The following MAN2C1 variants were observed in gnomAD, a reference collection of about 807,000 sequenced individuals.
MAN2C1 encodes the protein alpha-mannosidase 2C1.
In MAN2C1, 111 loss-of-function variants were observed where a neutral mutation model predicts 126.9. The ratio of observed to expected loss-of-function variants is 0.87; its 90% confidence interval spans 0.75 to 1.02. The LOEUF (loss-of-function observed/expected upper bound fraction) is 1.02. MAN2C1 is among the 50% of genes least tolerant of loss of function. The pLI, the probability that MAN2C1 is intolerant of heterozygous loss-of-function variation, is 0.00. For synonymous variants in MAN2C1, 567 were observed against 561.5 expected, an observed-to-expected ratio of 1.01 and a Z score of -0.14; for missense variants, 1,363 against 1,364.4, an observed-to-expected ratio of 1.00 and a Z score of 0.02.
Position 75,355,975 on chromosome 15 carries a change from G to A in MAN2C1, c.3054C>T (p.Arg1018=), listed in dbSNP as rs769539126. 3.7e-6 allele frequency: 6 copies of A among 1,614,140 alleles called. No individual in the cohort carries two copies. In the Admixed American group the frequency reaches 5.0e-5, roughly 13 times the overall value. Residue 1018 remains arginine, a synonymous_variant, in exon 26 of 26, where the codon CGC becomes CGT. Transcript: ENST00000267978. ...GGAAGGGAGAAAAGGTGAGCTTCAGGCGGTTGTCCCGAAGGGTCAAGTGGC... is the reference window on the plus strand; with the variant it reads ...GGAAGGGAGAAAAGGTGAGCTTCAGACGGTTGTCCCGAAGGGTCAAGTGGC... ...PAGHLTLRDN[R]LKLTFSPFQV...
In MAN2C1 at chr15:75,356,069, G is replaced by A; in HGVS notation, c.2997-37C>T. The A allele has an allele frequency of 1.2e-6, 2 of 1,613,552 alleles. No homozygotes were observed. Among genetic ancestry groups the A allele is most frequent in the Non-Finnish European group, 1.7e-6 (2 of 1,179,774 alleles). On this transcript the variant is annotated intron_variant, in intron 25 of 25. Transcript: ENST00000267978. The surrounding 1 kb of genome is among the most constrained non-coding windows in gnomAD (Gnocchi z 5.8). ...GAGGGGCCATGAAGGCTCTGCGAGG[G>A]CGAGACTCGACCCCCGCCCCAATCC...
intron 1 of MAN2C1, 73 bp from the exon 2 acceptor site, chr15:75,368,271 G>T: frequency 1.3e-6 from 2 of 1,528,696 alleles, no homozygotes; most frequent in Non-Finnish European, 1.7e-6. Flanking sequence ...TGGCCGGTGG[G>T]GCCGCACTTT....
At chr15:75,367,933 G>A in intron 2 of MAN2C1, 140 bp downstream of exon 2, 1 of 1,157,418 alleles carries the variant, frequency 8.6e-7, no homozygotes, top group South Asian at 1.6e-5. Flanking sequence ...CCCAGCAGAG[G>A]GTGCTGCTCC....
intron 4 of MAN2C1, 57 bp from the exon 5 acceptor site, chr15:75,364,722 T>C: frequency 6.8e-7 from 1 of 1,470,894 alleles, no homozygotes; most frequent in Non-Finnish European, 9.1e-7. Flanking sequence ...CTCCGGGGAC[T>C]TGGGGAAGGG....
intron 4 of MAN2C1, chr15:75,365,911 C>G (rs925667235): frequency 2.3e-6 from 1 of 438,372 alleles, no homozygotes; most frequent in Non-Finnish European, 4.5e-6. Context: ...ACGGTGAAAC[C>G]CTTTCTCTAC....
chr15:75,359,716 C>T lies in MAN2C1; in HGVS notation c.1852G>A (p.Glu618Lys). Reference sequence around the variant, plus strand: ...ATGAGGAGGCCCTCAGGACCTGGCTCCCCAGCACACAGGGCTGCGGCTGCA... The same window carrying T: ...ATGAGGAGGCCCTCAGGACCTGGCTTCCCAGCACACAGGGCTGCGGCTGCA... ...SAAAAALCAGEPGPEGLLIVN... is the reference protein window; with the variant it reads ...SAAAAALCAGKPGPEGLLIVN... Residue 618 changes from glutamate to lysine, a missense_variant, in exon 16 of 26, where the codon GAG (glutamate) becomes AAG (lysine). Physicochemically the swap from Glu to Lys is moderately conservative, Grantham distance 56. Coordinates refer to ENST00000267978, the MANE Select transcript of MAN2C1 (RefSeq NM_006715.4). 6.2e-7 allele frequency: 1 copy of T among 1,614,128 alleles called. No individual in the cohort carries two copies. Among genetic ancestry groups the T allele is most frequent in the Non-Finnish European group, 8.5e-7 (1 of 1,180,030 alleles).
In MAN2C1 at chr15:75,359,358, C is replaced by A; in HGVS notation, c.2016G>T (p.Leu672=). ...VPPPTSLQPL[L]PQQPVFVVQE... is the part of the protein sequence containing the mutation. ...GCACTACGAACACAGGCTGCTGGGGCAGCAGGGGCTGCAGTGAGGTGGGGG... is the reference window on the plus strand; with the variant it reads ...GCACTACGAACACAGGCTGCTGGGGAAGCAGGGGCTGCAGTGAGGTGGGGG... The change falls in exon 17 of 26, where the codon CTG becomes CTT. Residue 672 remains leucine, a synonymous_variant. Transcript: ENST00000267978. The A allele has an allele frequency of 6.2e-7, 1 of 1,601,588 alleles. No individual in the cohort carries two copies. The highest frequency in any genetic ancestry group is 1.1e-5 in the South Asian group (1 of 89,110).
At position 75,356,601 on chromosome 15, in the gene MAN2C1, C is replaced by G. The variant is rs374233316; in HGVS notation, c.2737+5G>C. ...CAGGAAGGCCCCACCGTCCCCAGCA[C>G]TCACCCTTGTGCGGCATCAGTGCAT... On this transcript the variant is annotated splice_donor_5th_base_variant and intron_variant, in intron 23 of 25. Coordinates refer to ENST00000267978, the MANE Select transcript of MAN2C1 (RefSeq NM_006715.4). The surrounding 1 kb of genome is among the most constrained non-coding windows in gnomAD (Gnocchi z 5.8). The G allele has an allele frequency of 1.3e-6, 2 of 1,558,008 alleles. No homozygotes were observed. The highest frequency in any genetic ancestry group is 2.7e-5 in the African/African-American group (2 of 73,796).
chr15:75,360,128 C>T lies in MAN2C1; in HGVS notation c.1668G>A (p.Gln556=). The T allele has an allele frequency of 6.2e-7, 1 of 1,613,922 alleles. No homozygotes were observed. Residue 556 remains glutamine, a synonymous_variant, in exon 14 of 26, where the codon CAG becomes CAA. Transcript: ENST00000267978. The part of the protein sequence containing the change: ...LSSLALARSA[Q]FLYPAAQLQH... The stretch of plus-strand genomic sequence containing the variant: ...GCAGCTGGGCTGCTGGGTATAGGAA[C>T]TGGGCACTGCGGGCCAGGGCCAGGC...
chr15:75,362,441 C>G lies in MAN2C1; in HGVS notation c.910G>C (p.Glu304Gln). ...CCAGGGTAGCGGCTCTTCACCCATTCCAGCTGCTGCGCCTGTGGGCAGGTT... is the reference window on the plus strand; with the variant it reads ...CCAGGGTAGCGGCTCTTCACCCATTGCAGCTGCTGCGCCTGTGGGCAGGTT... ...IFACSQAQQL[E>Q]WVKSRYPGLY... Residue 304 changes from glutamate to glutamine, a missense_variant, in exon 8 of 26, where the codon GAA becomes CAA. Physicochemically the swap from Glu to Gln is conservative, Grantham distance 29. Transcript: ENST00000267978. This position sits in a 1 kb window ranked among gnomAD's most constrained non-coding sequence, Gnocchi z 4.5. 1 of 1,611,890 alleles carries G rather than the reference C, an allele frequency of 6.2e-7. No individual in the cohort carries two copies. Among genetic ancestry groups the G allele is most frequent in the African/African-American group, 1.3e-5 (1 of 75,012 alleles).
chr15:75,360,922 C>A lies in MAN2C1; in HGVS notation c.1460+124G>T. ...CCCCAGGGTGGAAGTTTGGAGGAAC[C>A]CGTGGTCTAGGATTGGGACAGGACA... On this transcript the variant is annotated intron_variant, in intron 12 of 25. Transcript: ENST00000267978. The A allele has an allele frequency of 1.5e-6, 2 of 1,327,458 alleles. 1 individual carries two copies. The highest frequency in any genetic ancestry group is 3.0e-5 in the South Asian group (2 of 66,724). The allele number at this position is 1,327,458 out of a possible 1,614,324, so 82.2% of individuals were successfully genotyped here. A position where few individuals can be genotyped will look rare whatever the true frequency, so the allele number is the denominator to read the frequency against.
intron 21 of MAN2C1, 137 bp downstream of exon 21, chr15:75,358,064 C>T (rs1595874574): frequency 9.1e-7 from 1 of 1,094,976 alleles, no homozygotes; most frequent in East Asian, 2.6e-5. Context: ...CAATGTAAAG[C>T]ATTTAGTGCA....
intron 6 of MAN2C1, chr15:75,363,250 T>C (rs1202604170): frequency 2.2e-6 from 1 of 456,070 alleles, no homozygotes; most frequent in Non-Finnish European, 4.4e-6. Flanking sequence ...TGTTCTGTGA[T>C]CCCAAAACTT....
rs1353722341 is a variant in MAN2C1, at chr15:75,364,193, A to T, written c.601-5T>A. ...CTGGTTGTCCTTCCCGAGGCCCTGC[A>T]GCAGGGTTCTGCCCCTTAATCCCTT... On this transcript the variant is annotated splice_polypyrimidine_tract_variant and splice_region_variant and intron_variant, in intron 5 of 25. Transcript: ENST00000267978. The T allele has an allele frequency of 1.2e-6, 2 of 1,608,232 alleles. No homozygotes were observed. The highest frequency in any genetic ancestry group is 3.5e-5 in the Admixed American group (2 of 57,856).
intron 14 of MAN2C1, 49 bp downstream of exon 14, chr15:75,360,040 GT>G (rs1473946644): frequency 6.2e-7 from 1 of 1,614,024 alleles, no homozygotes; most frequent in East Asian, 2.2e-5. Context: ...AGGCACAGAG[GT>G]AACTGCAGTG....
intron 21 of MAN2C1, 143 bp downstream of exon 21, chr15:75,358,058 G>T: frequency 9.5e-7 from 1 of 1,055,960 alleles, no homozygotes; most frequent in Non-Finnish European, 1.4e-6. Flanking sequence ...CCTTGCCAAT[G>T]TAAAGCATTT....
chr15:75,366,731 A>C (rs2072582999), intron 3 of MAN2C1, 139 bp from the exon 4 acceptor site: 2 of 578,556 alleles, frequency 3.5e-6, no homozygotes, highest in Non-Finnish European at 6.0e-6. Flanking sequence ...AAGATTGGCA[A>C]ATCAGGGACC....
intron 6 of MAN2C1, chr15:75,363,116 A>C: frequency 2.2e-6 from 1 of 446,262 alleles, no homozygotes; most frequent in Non-Finnish European, 4.5e-6. Flanking sequence ...GGCTCCCAGG[A>C]TGGAGCCAGC....
chr15:75,368,567 G>C lies in MAN2C1; in HGVS notation c.17C>G (p.Ala6Gly), dbSNP rs2072641810. 1 of 1,545,772 alleles carries C rather than the reference G, an allele frequency of 6.5e-7. No individual in the cohort carries two copies. Among genetic ancestry groups the C allele is most frequent in the Non-Finnish European group, 8.7e-7 (1 of 1,146,030 alleles). The change falls in exon 1 of 26, where the codon GCC (alanine) becomes GGC (glycine). Residue 6 changes from alanine to glycine, a missense_variant. Transcript: ENST00000267978. ...CAGCGTGGTGCGCCAGTGCTTCAAG[G>C]CCGGCGCAGCCGCCATCGCCGGGCT... is the stretch of plus-strand genomic sequence containing the variant. MAAAPALKHWRTTLER... is the reference protein window; with the variant it reads MAAAPGLKHWRTTLER...
Sources: allele counts gnomAD v4.1 joint callset, GRCh38; gene constraint gnomAD v4.1.1; non-coding constraint Gnocchi (gnomAD v3.1); transcripts MANE v1.5; gene names NCBI Gene and HGNC (gene_info 2026-07-23, HGNC 2026-07-21).